FOXP1: variants seen among roughly 807,000 people sequenced by gnomAD.
FOXP1 encodes forkhead box protein P1.
A neutral mutation model predicts 98.2 loss-of-function variants in FOXP1; 15 were observed. The observed-to-expected ratio is 0.15, with a 90% confidence interval of 0.10 to 0.24. The LOEUF is 0.24. Ranked by LOEUF, FOXP1 falls within the 10% of genes least tolerant of loss-of-function variation. The pLI is 1.00. For synonymous variants in FOXP1, 371 were observed against 314.5 expected (o/e 1.18, Z -1.90); for missense variants, 633 against 848.5 (o/e 0.75, Z 3.15).
At chr3:71,016,125 AGAG>A (rs1341882444) in intron 11 of FOXP1, among the ~76,000 whole-genome samples, 1 of 152,144 alleles carries the variant, frequency 6.6e-6, no homozygotes, top group Admixed American at 6.5e-5. Context: ...TATCCAGCAA[AGAG>A]GAGTACAATT....
intron 7 of FOXP1, among the ~76,000 whole-genome samples, chr3:71,101,468 AG>A (rs2056951375): frequency 6.6e-6 from 1 of 152,188 alleles, no homozygotes; most frequent in South Asian, 2.1e-4. Flanking sequence ...AACAGCATGG[AG>A]GCCAGGGGGT....
At chr3:71,360,602 A>G (rs980030158) in intron 3 of FOXP1, 8 of 152,158 alleles carry the variant, frequency 5.3e-5, no homozygotes, top group Non-Finnish European at 1.0e-4. Context: ...TCTTTTCTGC[A>G]TAGATCCTTG....
At chr3:71,032,027 A>G (rs1402215669) in intron 11 of FOXP1, among the ~76,000 whole-genome samples, 4 of 152,238 alleles carry the variant, frequency 2.6e-5, no homozygotes, top group African/African-American at 9.6e-5. Flanking sequence ...GAGAGAGTAC[A>G]TGTGAGTGTG....
chr3:71,008,891 G>A (rs951726995), intron 12 of FOXP1, among the ~76,000 whole-genome samples: 4 of 151,962 alleles, frequency 2.6e-5, no homozygotes, highest in African/African-American at 9.7e-5. Context: ...TTTTAGACCT[G>A]TGAGTCCCCC....
intron 3 of FOXP1, among the ~76,000 whole-genome samples, chr3:71,425,607 G>C (rs2084088587): frequency 6.6e-6 from 1 of 151,926 alleles, no homozygotes; most frequent in South Asian, 2.1e-4. Flanking sequence ...ATAAGTATCT[G>C]CTGAATGAAA....
chr3:71,412,062 A>G (rs907132445), intron 3 of FOXP1, among the ~76,000 whole-genome samples: 2 of 152,202 alleles, frequency 1.3e-5, no homozygotes, highest in Non-Finnish European at 2.9e-5. Context: ...GTCTTGCCCT[A>G]CAGCACCTGT....
chr3:71,248,060 C>T (rs1389586433), intron 5 of FOXP1, among the ~76,000 whole-genome samples: 1 of 152,170 alleles, frequency 6.6e-6, no homozygotes, highest in Non-Finnish European at 1.5e-5. Context: ...TAACAATGCT[C>T]ACAGAGAACA....
At chr3:71,358,078 G>A (rs1279195582) in intron 4 of FOXP1, among the ~76,000 whole-genome samples, 1 of 152,098 alleles carries the variant, frequency 6.6e-6, no homozygotes, top group Non-Finnish European at 1.5e-5. Context: ...TATTTGCTGA[G>A]CCTGTCTCTC....
chr3:71,487,544 A>G (rs1400371768), intron 3 of FOXP1, among the ~76,000 whole-genome samples: 1 of 152,030 alleles, frequency 6.6e-6, no homozygotes, highest in Non-Finnish European at 1.5e-5. Flanking sequence ...TTTAGGTGGA[A>G]TAATTCTGAG....
intron 6 of FOXP1, among the ~76,000 whole-genome samples, chr3:71,176,618 G>A (rs1286079034): frequency 6.6e-6 from 1 of 152,016 alleles, no homozygotes; most frequent in Non-Finnish European, 1.5e-5. Flanking sequence ...GCATGTGCCT[G>A]TAGCTTCACC....
At chr3:71,345,287 C>A (rs1438810251) in intron 4 of FOXP1, among the ~76,000 whole-genome samples, 1 of 151,908 alleles carries the variant, frequency 6.6e-6, no homozygotes, top group East Asian at 1.9e-4. Context: ...ACTCGGGAGG[C>A]TGAGGCAGGA....
intron 3 of FOXP1, among the ~76,000 whole-genome samples, chr3:71,362,053 G>A (rs754393623): frequency 6.6e-6 from 1 of 152,214 alleles, no homozygotes; most frequent in African/African-American, 2.4e-5. Flanking sequence ...ACACATGTCT[G>A]TGGACAAGTC....
intron 3 of FOXP1, among the ~76,000 whole-genome samples, chr3:71,399,704 C>A (rs2081819538): frequency 6.6e-6 from 1 of 152,122 alleles, no homozygotes; most frequent in Non-Finnish European, 1.5e-5. Flanking sequence ...AAGGCATACA[C>A]CTGAAATATG....
chr3:71,345,387 C>G (rs2107802166), intron 4 of FOXP1, among the ~76,000 whole-genome samples: 1 of 127,458 alleles, frequency 7.8e-6, no homozygotes, highest in East Asian at 2.4e-4. Context: ...GAATCTGTCT[C>G]AAATATATAT....
In FOXP1 at chr3:71,227,033, G is replaced by A. The variant is rs535880468; in HGVS notation, c.-11-28641C>T. On this transcript the variant is annotated intron_variant, in intron 5 of 20. Coordinates refer to ENST00000649528, the MANE Select transcript of FOXP1 (RefSeq NM_001349338.3). Reference sequence around the variant, plus strand: ...GGTCTTCGTGGTAATGGCGGTGCCGGGCCTCCTGGACCACATGAGAAGGCT... The same window carrying A: ...GGTCTTCGTGGTAATGGCGGTGCCGAGCCTCCTGGACCACATGAGAAGGCT... 3.3e-4 allele frequency among the ~76,000 whole-genome samples: 50 copies of A among 152,192 alleles called. No homozygotes were observed. In the South Asian group the frequency reaches 0.01, roughly 31 times the overall value.
At chr3:71,568,708 G>A (rs138465058) in intron 2 of FOXP1, among the ~76,000 whole-genome samples, 11,445 of 151,210 alleles carry the variant, frequency 0.076, 533 homozygotes, top group Non-Finnish European at 0.11. Context: ...GTGAAGTGGC[G>A]TGATCTCAGC....
intron 2 of FOXP1, among the ~76,000 whole-genome samples, chr3:71,540,337 C>A (rs1420286913): frequency 1.3e-5 from 2 of 152,022 alleles, no homozygotes; most frequent in South Asian, 2.1e-4. Flanking sequence ...CTAATGACAC[C>A]CAAAGGTAAA....
chr3:71,540,838 T>C (rs2044748871), intron 2 of FOXP1, among the ~76,000 whole-genome samples: 1 of 152,222 alleles, frequency 6.6e-6, no homozygotes, highest in Non-Finnish European at 1.5e-5. Flanking sequence ...TGCCCTAATA[T>C]GGTGGTGAAT....
intron 12 of FOXP1, among the ~76,000 whole-genome samples, chr3:71,010,992 T>C (rs1182318255): frequency 6.6e-6 from 1 of 152,068 alleles, no homozygotes; most frequent in Non-Finnish European, 1.5e-5. Flanking sequence ...AAGTGGGAAA[T>C]GTGAATCTAC....
Sources: gnomAD v4.1 joint callset for allele counts (sites outside exome capture counted in the v4.1 genomes callset) on GRCh38, gnomAD v4.1.1 for gene constraint, MANE v1.5 for transcripts, NCBI Gene and HGNC (gene_info 2026-07-23, HGNC 2026-07-21) for gene names.